MARK3: variants seen among roughly 807,000 people sequenced by gnomAD.
MARK3 encodes the protein MAP/microtubule affinity-regulating kinase 3.
A neutral mutation model predicts 90.1 loss-of-function variants in MARK3; 46 were observed. The observed-to-expected ratio is 0.51, with a 90% CI of 0.40 to 0.65. The LOEUF (loss-of-function observed/expected upper bound fraction) is 0.65, where lower values mean the gene tolerates loss of function less well. Ranked by LOEUF, MARK3 falls within the 30% of genes least tolerant of loss-of-function variation. MARK3 has a pLI of 0.00. For synonymous variants in MARK3, 321 were observed against 332.6 expected (o/e 0.97, Z 0.38); for missense variants, 818 against 947.2 (o/e 0.86, Z 1.79).
chr14:103,451,170 C>T (rs909988366), intron 4 of MARK3, among the ~76,000 whole-genome samples: 3 of 151,708 alleles, frequency 2.0e-5, no homozygotes, highest in Non-Finnish European at 2.9e-5. Context: ...TCAGCAGAAA[C>T]GATCCACCCG....
chr14:103,428,320 T>G, intron 2 of MARK3, 67 bp from the exon 3 acceptor site: 1 of 812,848 alleles, frequency 1.2e-6, no homozygotes, highest in South Asian at 1.8e-5. Context: ...ATGCCATATA[T>G]CTTGGCATTT....
intron 1 of MARK3, among the ~76,000 whole-genome samples, chr14:103,389,307 T>C (rs1413864575): frequency 6.7e-6 from 1 of 148,976 alleles, no homozygotes; most frequent in Non-Finnish European, 1.5e-5. Context: ...GAGCTTGCAG[T>C]GAGCCGAGAT....
chr14:103,435,773 TAGC>T (rs1275502556), intron 3 of MARK3, among the ~76,000 whole-genome samples: 1 of 151,950 alleles, frequency 6.6e-6, no homozygotes, highest in Non-Finnish European at 1.5e-5. Flanking sequence ...GGATGGAAGG[TAGC>T]AGCAAGACCA....
chr14:103,491,126 C>G, intron 14 of MARK3: 2 of 1,249,864 alleles, frequency 1.6e-6, no homozygotes, highest in South Asian at 2.6e-5. Flanking sequence ...AATGCACATT[C>G]TTTGTGAAAC....
rs536370713 is a variant in MARK3, at chr14:103,404,973, A to T, written c.52-103A>T. Reference sequence around the variant, plus strand: ...TTGAAGTGCTAGATACTTTAAGATTAAAATTAAAGTAGGAATGTTTTTTCT... The same window carrying T: ...TTGAAGTGCTAGATACTTTAAGATTTAAATTAAAGTAGGAATGTTTTTTCT... On this transcript the variant is annotated intron_variant, in intron 1 of 17. Coordinates refer to ENST00000429436, the MANE Select transcript of MARK3 (RefSeq NM_001128918.3). 1.5e-5 allele frequency: 12 copies of T among 779,804 alleles called. No individual in the cohort carries two copies. In the East Asian group the frequency reaches 3.4e-4, roughly 22 times the overall value. 48.3% of individuals were successfully genotyped at this position (779,804 alleles called of 1,614,324 possible).
At chr14:103,425,713 A>G (rs1045582552) in intron 2 of MARK3, among the ~76,000 whole-genome samples, 1 of 152,224 alleles carries the variant, frequency 6.6e-6, no homozygotes, top group African/African-American at 2.4e-5. Flanking sequence ...ACTGAAACTT[A>G]TGTTTTCCAA....
In MARK3 at chr14:103,391,910, A is replaced by G. The variant is rs113710894; in HGVS notation, c.51+5830A>G. On this transcript the variant is annotated intron_variant, in intron 1 of 17. Transcript: ENST00000429436. ...CAGTTTGCATTTCAGTTTATGTTCT[A>G]TAGTTATATGGAGCCACGGATACAT... Among the ~76,000 whole-genome samples the G allele has an allele frequency of 1.4e-3, 207 of 152,116 alleles. 1 individual carries two copies. The highest frequency in any genetic ancestry group is 4.7e-3 in the African/African-American group (196 of 41,478).
At chr14:103,500,713 C>T (rs532258445) in intron 17 of MARK3, among the ~76,000 whole-genome samples, 1 of 151,806 alleles carries the variant, frequency 6.6e-6, no homozygotes, top group East Asian at 1.9e-4. Context: ...TACTCGAGTT[C>T]CCAGGCTTAT....
At chr14:103,430,521 T>C (rs1408819416) in intron 3 of MARK3, among the ~76,000 whole-genome samples, 1 of 152,170 alleles carries the variant, frequency 6.6e-6, no homozygotes, top group Non-Finnish European at 1.5e-5. Flanking sequence ...CTCTCTTAGA[T>C]AGTGATTTAA....
intron 14 of MARK3, 131 bp from the exon 15 acceptor site, chr14:103,491,646 A>G (rs991176387): frequency 7.7e-6 from 7 of 905,758 alleles, no homozygotes; most frequent in Middle Eastern, 5.8e-4. Context: ...TTTTGCTCCT[A>G]AGTCCTATAA....
intron 1 of MARK3, among the ~76,000 whole-genome samples, chr14:103,387,600 A>G (rs2089911720): frequency 6.6e-6 from 1 of 150,704 alleles, no homozygotes; most frequent in Non-Finnish European, 1.5e-5. Context: ...TGAAGTGATT[A>G]TCATGCCTCA....
At chr14:103,408,399 G>A (rs1329499541) in intron 2 of MARK3, among the ~76,000 whole-genome samples, 2 of 152,162 alleles carry the variant, frequency 1.3e-5, no homozygotes, top group African/African-American at 4.8e-5. Context: ...ATGTTGGCCA[G>A]GCTGGTCTCG....
At chr14:103,393,364 A>G (rs1463726660) in intron 1 of MARK3, among the ~76,000 whole-genome samples, 2 of 152,128 alleles carry the variant, frequency 1.3e-5, no homozygotes, top group Non-Finnish European at 2.9e-5. Context: ...GTTGGCCTAT[A>G]GTTTCAGCTA....
intron 3 of MARK3, among the ~76,000 whole-genome samples, chr14:103,439,504 G>A (rs1337112539): frequency 2.0e-5 from 3 of 152,026 alleles, no homozygotes; most frequent in Admixed American, 2.0e-4. Context: ...TGCCTCCCAA[G>A]TTCAAGCGAT....
intron 6 of MARK3, among the ~76,000 whole-genome samples, chr14:103,460,073 CTTTTTTTTT>C (rs571611660): frequency 2.4e-3 from 100 of 41,714 alleles, no homozygotes; most frequent in Non-Finnish European, 3.4e-3. Context: ...CCAGCTCCAT[CTTTTTTTTT>C]TTTTTTTTTT....
chr14:103,446,959 C>T (rs2093012350), intron 3 of MARK3, among the ~76,000 whole-genome samples: 1 of 152,072 alleles, frequency 6.6e-6, no homozygotes, highest in African/African-American at 2.4e-5. Flanking sequence ...CAGGAATTTA[C>T]TTGGGTGACT....
At chr14:103,418,219 C>CTTTTTTTTTTTTTT (rs36012703) in intron 2 of MARK3, among the ~76,000 whole-genome samples, 8 of 61,662 alleles carry the variant, frequency 1.3e-4, no homozygotes, top group African/African-American at 1.7e-4. Flanking sequence ...ATAGTAAAGG[C>CTTTTTTTTTTTTTT]TTTTTTTTTT....
At chr14:103,388,353 G>T (rs898970940) in intron 1 of MARK3, among the ~76,000 whole-genome samples, 1 of 152,210 alleles carries the variant, frequency 6.6e-6, no homozygotes, top group Admixed American at 6.5e-5. Flanking sequence ...TCTGGAAGGA[G>T]CTGTGTAGCT....
In MARK3 at chr14:103,480,610, G is replaced by C. The variant is rs953199056; in HGVS notation, c.1586+120G>C. 14 of 617,156 alleles carry C rather than the reference G, an allele frequency of 2.3e-5. No homozygotes were observed. In the African/African-American group the frequency reaches 2.6e-4, roughly 12 times the overall value. 38.2% of individuals were successfully genotyped at this position (617,156 alleles called of 1,614,324 possible). ...TTAAAACTGTAAGTATTCTCTGAAG[G>C]TAAGTTAAATTTGTATACTAATTTT... On this transcript the variant is annotated intron_variant, in intron 14 of 17. Coordinates refer to ENST00000429436, the MANE Select transcript of MARK3 (RefSeq NM_001128918.3).
Sources: allele counts gnomAD v4.1 joint callset (sites outside exome capture counted in the v4.1 genomes callset), GRCh38; gene constraint gnomAD v4.1.1; transcripts MANE v1.5; gene names NCBI Gene and HGNC (gene_info 2026-07-23, HGNC 2026-07-21).